Variants in SPAG16 observed in about 807,000 individuals in gnomAD.
SPAG16 encodes the protein sperm associated antigen 16, also known as sperm-associated antigen 16 protein.
Under a neutral mutation model 80.4 loss-of-function variants are expected in SPAG16, and 86 were observed. The ratio of observed to expected loss-of-function variants is 1.07; its 90% CI spans 0.90 to 1.28. The LOEUF is 1.28. Among genes scored for constraint, SPAG16 ranks in the 50% most tolerant of loss-of-function variants. The pLI, the probability that SPAG16 is intolerant of heterozygous loss-of-function variation, is 0.00. For synonymous variants in SPAG16, 294 were observed against 265.9 expected (o/e 1.11, Z -1.03); for missense variants, 870 against 765.3 (o/e 1.14, Z -1.61).
chr2:214,155,086 G>T (rs1576367536), intron 15 of SPAG16, among the ~76,000 whole-genome samples: 1 of 152,118 alleles, frequency 6.6e-6, no homozygotes, highest in African/African-American at 2.4e-5. Flanking sequence ...GGTAGTCCAG[G>T]AAGGCCAAGG....
Position 213,643,396 on chromosome 2 carries a change from ATATATATATATATATT to A in SPAG16, c.1070+153308_1070+153323del, listed in dbSNP as rs1559337969. ...TATATATATATATATATATATATAT[ATATATATATATATATT>A]TTATCTCTTGCTGCTGTTATGATCC... On this transcript the variant is annotated intron_variant, in intron 10 of 15. Transcript: ENST00000331683. Among the ~76,000 whole-genome samples, 60 of 49,940 alleles carry A rather than the reference ATATATATATATATATT, an allele frequency of 1.2e-3. 4 individuals are homozygous for A. The highest frequency in any genetic ancestry group is 1.5e-3 in the Non-Finnish European group (40 of 26,644). 32.8% of individuals were successfully genotyped at this position (49,940 alleles called of 152,430 possible).
intron 15 of SPAG16, among the ~76,000 whole-genome samples, chr2:214,365,340 C>T (rs1187121414): frequency 6.6e-6 from 1 of 152,130 alleles, no homozygotes; most frequent in Non-Finnish European, 1.5e-5. Flanking sequence ...GTCAGTTGGT[C>T]AGATATTCAA....
chr2:214,140,426 A>G (rs1439083079), intron 14 of SPAG16, among the ~76,000 whole-genome samples: 1 of 152,024 alleles, frequency 6.6e-6, no homozygotes, highest in Non-Finnish European at 1.5e-5. Flanking sequence ...TGATGATACT[A>G]TATATTTGGC....
chr2:213,979,250 T>TA (rs537547069), intron 12 of SPAG16, among the ~76,000 whole-genome samples: 23 of 150,512 alleles, frequency 1.5e-4, no homozygotes, highest in African/African-American at 4.4e-4. Flanking sequence ...CTTTTTAAAT[T>TA]AAAAAAAAAG....
chr2:213,703,639 CATT>C (rs2065603376), intron 10 of SPAG16, among the ~76,000 whole-genome samples: 2 of 152,172 alleles, frequency 1.3e-5, no homozygotes, highest in Admixed American at 1.3e-4. Context: ...AGAAAAGACT[CATT>C]GTCCATCTGT....
chr2:213,802,703 G>T (rs995093370), intron 10 of SPAG16, among the ~76,000 whole-genome samples: 2 of 152,004 alleles, frequency 1.3e-5, no homozygotes, highest in African/African-American at 4.8e-5. Context: ...AGGAACAAAG[G>T]TGTTAAGAAG....
intron 7 of SPAG16, among the ~76,000 whole-genome samples, chr2:213,360,661 G>T (rs1320561008): frequency 6.6e-6 from 1 of 152,190 alleles, no homozygotes; most frequent in African/African-American, 2.4e-5. Flanking sequence ...TATCCTGGGT[G>T]TACAGGCATA....
intron 10 of SPAG16, among the ~76,000 whole-genome samples, chr2:213,559,244 A>G (rs2059527055): frequency 6.6e-6 from 1 of 152,164 alleles, no homozygotes. Context: ...CACATTCCAA[A>G]CGGAGTGGCA....
chr2:214,170,343 A>G (rs1039396712), intron 15 of SPAG16, among the ~76,000 whole-genome samples: 1 of 151,898 alleles, frequency 6.6e-6, no homozygotes, highest in Non-Finnish European at 1.5e-5. Context: ...ATTTAATTTC[A>G]TTGCTGCAAT....
chr2:213,997,217 T>C (rs2046565162), intron 12 of SPAG16, among the ~76,000 whole-genome samples: 1 of 152,154 alleles, frequency 6.6e-6, no homozygotes, highest in Non-Finnish European at 1.5e-5. Context: ...ATAGTTGTTA[T>C]AGAATTTATT....
chr2:213,891,135 TAAC>T (rs1394359852), intron 11 of SPAG16, among the ~76,000 whole-genome samples: 4 of 152,188 alleles, frequency 2.6e-5, no homozygotes, highest in Admixed American at 2.0e-4. Flanking sequence ...AAAAGCATAA[TAAC>T]AATTTTACTA....
intron 14 of SPAG16, among the ~76,000 whole-genome samples, chr2:214,132,423 C>T (rs1488667907): frequency 1.3e-5 from 2 of 152,128 alleles, no homozygotes; most frequent in Non-Finnish European, 2.9e-5. Context: ...AACTTCAGTT[C>T]CTCAGTTGCT....
At chr2:213,396,131 C>T (rs1175580358) in intron 9 of SPAG16, among the ~76,000 whole-genome samples, 1 of 152,150 alleles carries the variant, frequency 6.6e-6, no homozygotes, top group Non-Finnish European at 1.5e-5. Flanking sequence ...TAATTATCTT[C>T]ACCTTACTAT....
At chr2:213,431,652 G>T (rs1032991027) in intron 9 of SPAG16, among the ~76,000 whole-genome samples, 1 of 151,996 alleles carries the variant, frequency 6.6e-6, no homozygotes, top group Admixed American at 6.5e-5. Flanking sequence ...CACAATAAGT[G>T]CAGGATTTCA....
chr2:213,995,175 G>A (rs1184746512), intron 12 of SPAG16, among the ~76,000 whole-genome samples: 1 of 152,152 alleles, frequency 6.6e-6, no homozygotes, highest in Non-Finnish European at 1.5e-5. Context: ...ATGATGAGGT[G>A]CAGAAGCCAC....
chr2:213,310,705 C>T (rs1271004331), intron 4 of SPAG16, among the ~76,000 whole-genome samples: 2 of 151,584 alleles, frequency 1.3e-5, no homozygotes, highest in Non-Finnish European at 3.0e-5. Context: ...ATCACTTAAA[C>T]AAAATATTTT....
chr2:214,216,763 A>G (rs2058442403), intron 15 of SPAG16, among the ~76,000 whole-genome samples: 1 of 152,226 alleles, frequency 6.6e-6, no homozygotes, highest in Admixed American at 6.5e-5. Context: ...TCACAACTTC[A>G]TGTTAATTAT....
At chr2:213,712,012 T>C (rs1016778600) in intron 10 of SPAG16, among the ~76,000 whole-genome samples, 3 of 151,818 alleles carry the variant, frequency 2.0e-5, no homozygotes, top group African/African-American at 7.3e-5. Context: ...GAGGCACCAT[T>C]CTCATTATCT....
chr2:213,991,164 C>T (rs1465724642), intron 12 of SPAG16, among the ~76,000 whole-genome samples: 3 of 152,062 alleles, frequency 2.0e-5, no homozygotes, highest in Non-Finnish European at 4.4e-5. Flanking sequence ...GCCCCCACTC[C>T]CCGTCAGGCC....
Sources: allele counts gnomAD v4.1 joint callset (sites outside exome capture counted in the v4.1 genomes callset), GRCh38; gene constraint gnomAD v4.1.1; transcripts MANE v1.5; gene names NCBI Gene and HGNC (gene_info 2026-07-23, HGNC 2026-07-21).